Variants in TNN observed in about 807,000 individuals in gnomAD.
TNN encodes tenascin N.
Under a neutral mutation model 134.4 loss-of-function variants are expected in TNN, and 122 were observed. The ratio of observed to expected loss-of-function variants is 0.91; its 90% CI spans 0.78 to 1.06. The LOEUF is 1.06. Among genes scored for constraint, TNN ranks in the 50% least tolerant of loss-of-function variants. The pLI is 0.00. For synonymous variants in TNN, 710 were observed against 670.3 expected, an observed-to-expected ratio of 1.06 and a Z score of -0.91; for missense variants, 1,739 against 1,699.4, an observed-to-expected ratio of 1.02 and a Z score of -0.41.
At chr1:175,146,301 G>T (rs1230392081) in intron 18 of TNN, among the ~76,000 whole-genome samples, 2 of 152,154 alleles carry the variant, frequency 1.3e-5, no homozygotes, top group African/African-American at 4.8e-5. Context: ...AGTCTGCAAG[G>T]CATTTAGCTT....
At chr1:175,143,823 C>G (rs1675995417) in intron 17 of TNN, among the ~76,000 whole-genome samples, 2 of 152,144 alleles carry the variant, frequency 1.3e-5, no homozygotes, top group African/African-American at 2.4e-5. Context: ...CGTCTAAACT[C>G]CAGAGGGGCT....
rs745705064 is a variant in TNN at position 175,128,580 on chromosome 1, C to T, written c.3179-15C>T. 2 of 1,606,282 alleles carry T rather than the reference C, an allele frequency of 1.2e-6. No homozygotes were observed. Among genetic ancestry groups the T allele is most frequent in the Non-Finnish European group, 1.7e-6 (2 of 1,176,060 alleles). ...TGCCCTTGTCCTAACAACACTCTCT[C>T]TGCTTGGCTCCCAGTTGGTGCCCGT... is the stretch of plus-strand genomic sequence containing the variant. On this transcript the variant is annotated splice_polypyrimidine_tract_variant and intron_variant, in intron 14 of 18. Transcript: ENST00000239462.
In TNN at chr1:175,121,312, G is replaced by A. The variant is rs77603540; in HGVS notation, c.2651-2088G>A. 4.1e-3 allele frequency among the ~76,000 whole-genome samples: 627 copies of A among 152,330 alleles called. 3 individuals carry two copies. The highest frequency in any genetic ancestry group is 0.014 in the African/African-American group (597 of 41,574). ...CCATTTCTGGCAAACGGAAGAGTAT[G>A]TGTGATGTCCCCCAGCTGGAATAGT... On this transcript the variant is annotated intron_variant, in intron 11 of 18. Transcript: ENST00000239462.
chr1:175,123,776 TC>T, intron 12 of TNN, 113 bp downstream of exon 12: 1 of 1,486,646 alleles, frequency 6.7e-7, no homozygotes, highest in South Asian at 1.2e-5. Context: ...CCGAGGACAT[TC>T]TTCAAAGTGG....
intron 10 of TNN, among the ~76,000 whole-genome samples, chr1:175,118,303 AGATTT>A: frequency 6.6e-6 from 1 of 152,312 alleles, no homozygotes; most frequent in South Asian, 2.1e-4. Context: ...GATGAATAAA[AGATTT>A]GTTTTGCTAA....
chr1:175,112,598 C>CT (rs767531767), intron 9 of TNN, among the ~76,000 whole-genome samples: 335 of 21,982 alleles, frequency 0.015, 157 homozygotes, highest in East Asian at 0.044. Flanking sequence ...GCCGGCCGAT[C>CT]TTTTTTTTTT....
intron 1 of TNN, among the ~76,000 whole-genome samples, chr1:175,075,772 C>T (rs576470469): frequency 8.5e-5 from 13 of 152,310 alleles, no homozygotes; most frequent in Admixed American, 7.8e-4. Flanking sequence ...ACGTTACAGA[C>T]AAGGAGGCGG....
At chr1:175,143,799 A>T (rs1302928041) in intron 17 of TNN, among the ~76,000 whole-genome samples, 1 of 152,150 alleles carries the variant, frequency 6.6e-6, no homozygotes, top group Non-Finnish European at 1.5e-5. Context: ...TAGGCCTGAG[A>T]TGATGAAAAT....
chr1:175,091,554 ATTAT>A (rs1393529071), intron 6 of TNN, among the ~76,000 whole-genome samples: 41 of 142,430 alleles, frequency 2.9e-4, no homozygotes, highest in African/African-American at 1.1e-3. Context: ...ACTTTTATTT[ATTAT>A]TTTTATTTAT....
intron 6 of TNN, among the ~76,000 whole-genome samples, chr1:175,088,344 A>G (rs1257762979): frequency 1.3e-5 from 2 of 152,172 alleles, no homozygotes; most frequent in East Asian, 3.9e-4. Flanking sequence ...CTCACTTTGG[A>G]GATTCCAAGG....
At chr1:175,137,126 ACT>A (rs1367909564) in intron 17 of TNN, 138 bp downstream of exon 17, 4 of 916,066 alleles carry the variant, frequency 4.4e-6, no homozygotes, top group Non-Finnish European at 6.5e-6. Context: ...TGGAGGTCCT[ACT>A]CTCTGCAGGG....
In TNN at chr1:175,083,882, C is replaced by T; in HGVS notation, c.1181C>T (p.Ala394Val). The T allele has an allele frequency of 6.2e-7, 1 of 1,614,168 alleles. No individual in the cohort carries two copies. The highest frequency in any genetic ancestry group is 8.5e-7 in the Non-Finnish European group (1 of 1,180,034). Residue 394 changes from alanine to valine, a missense_variant, in exon 5 of 19, where the codon GCT becomes GTT. Coordinates refer to ENST00000239462, the MANE Select transcript of TNN (RefSeq NM_022093.2). The stretch of plus-strand genomic sequence containing the variant: ...GGCCCCATGACAGGACAGGAGGTAG[C>T]TGAGGTCACTGTGCCCAAGAGCAGT... Reference protein sequence around the residue: ...RYGPMTGQEVAEVTVPKSSDP... With the variant: ...RYGPMTGQEVVEVTVPKSSDP...
At chr1:175,139,696 A>G (rs2901875) in intron 17 of TNN, among the ~76,000 whole-genome samples, 112,172 of 152,128 alleles carry the variant, frequency 0.74, 41,619 homozygotes, top group Non-Finnish European at 0.78. Flanking sequence ...TAACATAATT[A>G]TTTATTATCA....
At chr1:175,122,104 C>T (rs894975352) in intron 11 of TNN, among the ~76,000 whole-genome samples, 2 of 151,744 alleles carry the variant, frequency 1.3e-5, no homozygotes, top group Non-Finnish European at 2.9e-5. Context: ...AAAGAGGGAG[C>T]TTTGGGACAG....
At chr1:175,135,819 A>G (rs934225720) in intron 15 of TNN, 26 bp from the exon 16 acceptor site, 1 of 1,579,832 alleles carries the variant, frequency 6.3e-7, no homozygotes, top group Non-Finnish European at 8.7e-7. Context: ...GGAGGGTCAG[A>G]GTGAAGTATT....
At chr1:175,145,852 A>G (rs533845562) in intron 18 of TNN, among the ~76,000 whole-genome samples, 1 of 152,050 alleles carries the variant, frequency 6.6e-6, no homozygotes, top group South Asian at 2.1e-4. Context: ...GCTCCCTCAC[A>G]GTTTCTTGAA....
chr1:175,071,077 C>T (rs1185576208), intron 1 of TNN, among the ~76,000 whole-genome samples: 1 of 152,160 alleles, frequency 6.6e-6, no homozygotes, highest in Non-Finnish European at 1.5e-5. Context: ...TCTTAAGTGA[C>T]TCTGTTGGAA....
chr1:175,147,369 T>G lies in TNN; in HGVS notation c.*298T>G. The G allele has an allele frequency of 3.6e-6, 1 of 276,484 alleles. No individual in the cohort carries two copies. Among genetic ancestry groups the G allele is most frequent in the East Asian group, 6.3e-5 (1 of 15,968 alleles). The allele number at this position is 276,484 out of a possible 1,614,324, so 17.1% of individuals were successfully genotyped here. ...TACTGGATTAGGGCAAGAGAAGGAA[T>G]CACCCAGCACTTCACCAGTTGGAAA... On this transcript the variant is annotated 3_prime_UTR_variant, in exon 19 of 19. Coordinates refer to ENST00000239462, the MANE Select transcript of TNN (RefSeq NM_022093.2).
At chr1:175,116,831 T>C in intron 9 of TNN, 108 bp from the exon 10 acceptor site, 3 of 1,469,644 alleles carry the variant, frequency 2.0e-6, no homozygotes, top group Non-Finnish European at 1.9e-6. Flanking sequence ...GCATATGATA[T>C]GGAGAAACCA....
Sources: allele counts gnomAD v4.1 joint callset (sites outside exome capture counted in the v4.1 genomes callset), GRCh38; gene constraint gnomAD v4.1.1; transcripts MANE v1.5; gene names NCBI Gene and HGNC (gene_info 2026-07-23, HGNC 2026-07-21).